The following EPHA6 variants were observed in gnomAD, a reference collection of about 807,000 sequenced individuals.
EPHA6 encodes ephrin type-A receptor 6.
EPHA6 carries 50 observed loss-of-function variants against 112.0 expected under a neutral mutation model. That is an observed-to-expected ratio of 0.45 (90% confidence interval 0.36 to 0.56). The LOEUF (loss-of-function observed/expected upper bound fraction) is 0.56, where lower values mean the gene tolerates loss of function less well. Among genes scored for constraint, EPHA6 ranks in the 20% least tolerant of loss-of-function variants. The pLI is 0.00. For missense variants in EPHA6, 1,280 were observed against 1,417.4 expected (o/e 0.90, Z 1.56); for synonymous variants, 529 against 490.7 (o/e 1.08, Z -1.03).
intron 3 of EPHA6, among the ~76,000 whole-genome samples, chr3:97,157,001 TAAG>T (rs1388991559): frequency 5.9e-5 from 9 of 152,092 alleles, no homozygotes; most frequent in African/African-American, 2.2e-4. Flanking sequence ...CATTCTTGCT[TAAG>T]AAGTACAGTT....
intron 14 of EPHA6, among the ~76,000 whole-genome samples, chr3:97,682,426 C>A (rs888212205): frequency 1.4e-4 from 22 of 152,046 alleles, no homozygotes; most frequent in African/African-American, 5.1e-4. Context: ...TTAGTATTGA[C>A]AACCCACCTG....
rs545325769 is a variant in EPHA6, at chr3:97,166,209, T to C, written c.1115-60055T>C. ...AAGTGCTGCTATGAAGGACACTAGA[T>C]ATTGTTCTCAGTTCCAAATACTTAC... On this transcript the variant is annotated intron_variant, in intron 3 of 17. Transcript: ENST00000389672. Among the ~76,000 whole-genome samples, 167 of 152,158 alleles carry C rather than the reference T, an allele frequency of 1.1e-3. 2 individuals carry two copies. Among genetic ancestry groups the C allele is most frequent in the Non-Finnish European group, 2.2e-3 (148 of 68,020 alleles).
rs138984201 is a variant in EPHA6, at chr3:97,750,063, G to C, written c.*1362G>C. Among the ~76,000 whole-genome samples, 120 of 152,180 alleles carry C rather than the reference G, an allele frequency of 7.9e-4. No homozygotes were observed. The highest frequency in any genetic ancestry group is 2.8e-3 in the African/African-American group (116 of 41,524). On this transcript the variant is annotated 3_prime_UTR_variant, in exon 18 of 18. Transcript: ENST00000389672. ...AGCTGAGTTGGCTTATCAAAATTGT[G>C]CTATATCTTATGAACAAATTAAATT...
intron 3 of EPHA6, among the ~76,000 whole-genome samples, chr3:97,215,470 G>A (rs1472212615): frequency 1.3e-5 from 2 of 151,974 alleles, no homozygotes; most frequent in African/African-American, 2.4e-5. Context: ...GTGTAGCCAG[G>A]CATCATGGCA....
Position 97,300,437 on chromosome 3 carries a change from CA to C in EPHA6, c.1606+56151del, listed in dbSNP as rs1184710972. Among the ~76,000 whole-genome samples the C allele has an allele frequency of 3.9e-4, 59 of 152,130 alleles. 2 individuals carry two copies. Among genetic ancestry groups the C allele is most frequent in the Admixed American group, 3.9e-3 (59 of 15,256 alleles). On this transcript the variant is annotated intron_variant, in intron 5 of 17. Transcript: ENST00000389672. ...GTAAGACAGTGCTCATACCCCACCC[CA>C]GTCACTCAAAGTGCACCCACCATAC... is the stretch of plus-strand genomic sequence containing the variant.
At chr3:97,436,254 T>G (rs1477894075) in intron 6 of EPHA6, among the ~76,000 whole-genome samples, 1 of 152,172 alleles carries the variant, frequency 6.6e-6, no homozygotes, top group South Asian at 2.1e-4. Context: ...TAAAGAATGT[T>G]AAAATCTTTA....
At chr3:97,025,922 T>G (rs2044621450) in intron 3 of EPHA6, among the ~76,000 whole-genome samples, 2 of 152,262 alleles carry the variant, frequency 1.3e-5, no homozygotes, top group East Asian at 1.9e-4. Flanking sequence ...GAGTTAATTT[T>G]TGTATGTGGT....
At chr3:97,419,305 A>G (rs996262107) in intron 6 of EPHA6, among the ~76,000 whole-genome samples, 1 of 150,826 alleles carries the variant, frequency 6.6e-6, no homozygotes, top group African/African-American at 2.5e-5. Context: ...CTCCATCACA[A>G]AAAACAAACA....
Position 96,869,986 on chromosome 3 carries a change from A to G in EPHA6, c.450+3097A>G, listed in dbSNP as rs548279425. Among the ~76,000 whole-genome samples the G allele has an allele frequency of 8.5e-5, 13 of 152,208 alleles. No homozygotes were observed. The East Asian group carries it at 2.5e-3, about 29-fold the overall frequency. On this transcript the variant is annotated intron_variant, in intron 2 of 17. Transcript: ENST00000389672. ...TTAGATGATCACTAGGGCTTCAGCA[A>G]TGCAATATAGTACAAGATATGTGAT...
At chr3:97,663,075 G>A (rs2094180483) in intron 14 of EPHA6, among the ~76,000 whole-genome samples, 1 of 152,172 alleles carries the variant, frequency 6.6e-6, no homozygotes, top group Admixed American at 6.5e-5. Flanking sequence ...GAACAACTCT[G>A]AGGGGAAATG....
chr3:96,817,852 A>G (rs1010362519), intron 1 of EPHA6, among the ~76,000 whole-genome samples: 1 of 151,968 alleles, frequency 6.6e-6, no homozygotes, highest in African/African-American at 2.4e-5. Flanking sequence ...AACGTGGTGC[A>G]AACAGTAACT....
intron 3 of EPHA6, among the ~76,000 whole-genome samples, chr3:97,137,589 C>A (rs1373237446): frequency 6.6e-6 from 1 of 152,034 alleles, no homozygotes; most frequent in Non-Finnish European, 1.5e-5. Flanking sequence ...TTTCTTTAGA[C>A]CATCAAGTAA....
rs1343591194 is a variant in EPHA6, at chr3:97,329,381, G to A, written c.1607-75769G>A. ...GGTATTTCTAGTTCTGGATCCCTGA[G>A]GAATCGCCACACTGACTTCCACAAT... On this transcript the variant is annotated intron_variant, in intron 5 of 17. Transcript: ENST00000389672. 4.0e-5 allele frequency among the ~76,000 whole-genome samples: 6 copies of A among 151,162 alleles called. No homozygotes were observed. In the East Asian group the frequency reaches 1.2e-3, roughly 29 times the overall value.
intron 5 of EPHA6, among the ~76,000 whole-genome samples, chr3:97,321,117 T>G (rs2082099855): frequency 6.6e-6 from 1 of 152,038 alleles, no homozygotes; most frequent in Admixed American, 6.6e-5. Context: ...CTTTTATTGT[T>G]TGGGGAGAGC....
chr3:97,098,164 C>T lies in EPHA6; in HGVS notation c.1114+110171C>T, dbSNP rs145896587. On this transcript the variant is annotated intron_variant, in intron 3 of 17. Coordinates refer to ENST00000389672, the MANE Select transcript of EPHA6 (RefSeq NM_001080448.3). ...TGCTCTCATTTTGTGAATAGCAATG[C>T]GGCATATTACACCCAAGGTCATGTA... Among the ~76,000 whole-genome samples, 386 of 151,860 alleles carry T rather than the reference C, an allele frequency of 2.5e-3. 2 individuals carry two copies. The highest frequency in any genetic ancestry group is 8.2e-3 in the African/African-American group (340 of 41,466).
At chr3:97,318,031 G>A (rs1052393334) in intron 5 of EPHA6, among the ~76,000 whole-genome samples, 1 of 151,900 alleles carries the variant, frequency 6.6e-6, no homozygotes, top group African/African-American at 2.4e-5. Context: ...AGAGTACTAG[G>A]TTTCAGTGTA....
chr3:97,078,279 A>T (rs2108187393), intron 3 of EPHA6, among the ~76,000 whole-genome samples: 1 of 152,220 alleles, frequency 6.6e-6, no homozygotes, highest in African/African-American at 2.4e-5. Flanking sequence ...AGTTCTTTGC[A>T]GATTCTGGAT....
At chr3:97,210,878 A>C (rs1043378031) in intron 3 of EPHA6, among the ~76,000 whole-genome samples, 1 of 152,198 alleles carries the variant, frequency 6.6e-6, no homozygotes, top group African/African-American at 2.4e-5. Flanking sequence ...TCTACATTCT[A>C]GATGGGTCCC....
chr3:97,140,029 A>G (rs1054299940), intron 3 of EPHA6, among the ~76,000 whole-genome samples: 1 of 152,126 alleles, frequency 6.6e-6, no homozygotes, highest in Non-Finnish European at 1.5e-5. Flanking sequence ...TGGAAATGAA[A>G]AATTCACTGA....
Sources: gnomAD v4.1 joint callset for allele counts (sites outside exome capture counted in the v4.1 genomes callset) on GRCh38, gnomAD v4.1.1 for gene constraint, MANE v1.5 for transcripts, NCBI Gene and HGNC (gene_info 2026-07-23, HGNC 2026-07-21) for gene names.